Variants in KIAA1549 observed in about 807,000 individuals in gnomAD.
KIAA1549 encodes the protein UPF0606 protein KIAA1549.
In KIAA1549, 70 loss-of-function variants were observed where a neutral mutation model predicts 156.4. The observed-to-expected ratio is 0.45, with a 90% CI of 0.37 to 0.55. The LOEUF is 0.55. KIAA1549 is among the 20% of genes least tolerant of loss of function. The pLI is 0.00. For missense variants in KIAA1549, 2,428 were observed against 2,540.9 expected (o/e 0.96, Z 0.96); for synonymous variants, 1,103 against 1,066.4 (o/e 1.03, Z -0.67).
intron 1 of KIAA1549, among the ~76,000 whole-genome samples, chr7:138,970,194 T>C (rs986202559): frequency 1.3e-5 from 2 of 152,244 alleles, no homozygotes; most frequent in African/African-American, 2.4e-5. Flanking sequence ...TTCATTCATC[T>C]GTCCACAGAC....
intron 10 of KIAA1549, among the ~76,000 whole-genome samples, chr7:138,885,976 A>C (rs1400507835): frequency 6.6e-6 from 1 of 152,110 alleles, no homozygotes; most frequent in Non-Finnish European, 1.5e-5. Context: ...ACTGAATTCA[A>C]GGACACCCAG....
intron 7 of KIAA1549, among the ~76,000 whole-genome samples, chr7:138,904,740 A>C (rs1462107334): frequency 6.6e-6 from 1 of 151,932 alleles, no homozygotes; most frequent in Non-Finnish European, 1.5e-5. Flanking sequence ...CCTTGCTTCT[A>C]AACCTCACCC....
intron 1 of KIAA1549, among the ~76,000 whole-genome samples, chr7:138,935,437 T>A (rs1306569415): frequency 1.3e-5 from 2 of 152,154 alleles, no homozygotes; most frequent in Admixed American, 1.3e-4. Context: ...GCACTTTGAG[T>A]AACCAAAACA....
intron 16 of KIAA1549, among the ~76,000 whole-genome samples, chr7:138,857,931 T>G (rs1810440042): frequency 6.6e-6 from 1 of 152,210 alleles, no homozygotes; most frequent in Non-Finnish European, 1.5e-5. Flanking sequence ...TGGATCTTGC[T>G]TTTTATCCAA....
intron 1 of KIAA1549, among the ~76,000 whole-genome samples, chr7:138,936,362 C>A (rs1479555404): frequency 6.6e-6 from 1 of 152,146 alleles, no homozygotes; most frequent in Non-Finnish European, 1.5e-5. Context: ...GCCTGTAAGC[C>A]AGGTCCTGCC....
At chr7:138,850,405 G>GT (rs1644355589) in intron 17 of KIAA1549, among the ~76,000 whole-genome samples, 1 of 152,146 alleles carries the variant, frequency 6.6e-6, no homozygotes, top group South Asian at 2.1e-4. Context: ...GTATGAGATG[G>GT]TATCTCATTG....
At position 138,837,961 on chromosome 7, in the gene KIAA1549, T is replaced by G; in HGVS notation, c.5798A>C (p.Glu1933Ala). 2 of 1,613,862 alleles carry G rather than the reference T, an allele frequency of 1.2e-6. No individual in the cohort carries two copies. The highest frequency in any genetic ancestry group is 1.7e-6 in the Non-Finnish European group (2 of 1,179,876). ...SSASLIKAIR[E>A]ELLRLSQKQS... is the part of the protein sequence containing the mutation. ...TTTCTGGGAGAGCCGGAGGAGCTCCTCGCGGATTGCTTTGATGAGAGAGGC... is the reference window on the plus strand; with the variant it reads ...TTTCTGGGAGAGCCGGAGGAGCTCCGCGCGGATTGCTTTGATGAGAGAGGC... The change falls in exon 20 of 20, where the codon GAG becomes GCG. Residue 1933 changes from glutamate to alanine, a missense_variant. By Grantham distance (107) the Glu-to-Ala change is moderately radical. Coordinates refer to ENST00000422774, the MANE Select transcript of KIAA1549 (RefSeq NM_001164665.2).
At chr7:138,969,727 G>C (rs969550897) in intron 1 of KIAA1549, among the ~76,000 whole-genome samples, 1 of 152,038 alleles carries the variant, frequency 6.6e-6, no homozygotes, top group Non-Finnish European at 1.5e-5. Context: ...CAAGTAGCTG[G>C]GATTACAGGC....
chr7:138,945,194 T>C (rs1190929710), intron 1 of KIAA1549, among the ~76,000 whole-genome samples: 1 of 152,162 alleles, frequency 6.6e-6, no homozygotes, highest in Non-Finnish European at 1.5e-5. Flanking sequence ...GGGATCTTTT[T>C]AAAAAATGGA....
At chr7:138,861,478 G>T (rs781584693) in intron 15 of KIAA1549, 22 bp from the exon 16 acceptor site, 2 of 1,584,906 alleles carry the variant, frequency 1.3e-6, no homozygotes, top group Non-Finnish European at 1.7e-6. Flanking sequence ...AATGGCAAAG[G>T]AAGAATCACA....
chr7:138,916,824 G>C lies in KIAA1549; in HGVS notation c.2802C>G (p.Asp934Glu). The part of the protein sequence containing the change: ...VTAFTLEATV[D>E]TPTLATAKPP... Reference sequence around the variant, plus strand: ...GCTTGGCAGTAGCCAGTGTTGGTGTGTCGACTGTTGCTTCGAGAGTGAAGG... The same window carrying C: ...GCTTGGCAGTAGCCAGTGTTGGTGTCTCGACTGTTGCTTCGAGAGTGAAGG... The change falls in exon 2 of 20, where the codon GAC (aspartate) becomes GAG (glutamate). Residue 934 changes from aspartate to glutamate, a missense_variant. By Grantham distance (45) the Asp-to-Glu change is conservative. Transcript: ENST00000422774. 2.5e-6 allele frequency: 4 copies of C among 1,613,992 alleles called. No individual in the cohort carries two copies. Among genetic ancestry groups the C allele is most frequent in the Non-Finnish European group, 3.4e-6 (4 of 1,179,878 alleles).
At chr7:138,854,809 T>C (rs145251487) in intron 16 of KIAA1549, among the ~76,000 whole-genome samples, 51 of 152,320 alleles carry the variant, frequency 3.3e-4, no homozygotes, top group Middle Eastern at 3.4e-3. Flanking sequence ...CTTGAATTTA[T>C]AAGGCATTAT....
At chr7:138,939,869 G>A (rs73729971) in intron 1 of KIAA1549, among the ~76,000 whole-genome samples, 14,199 of 152,062 alleles carry the variant, frequency 0.093, 923 homozygotes, top group African/African-American at 0.18. Flanking sequence ...TATTCCAGCC[G>A]GGCGTGGTGG....
chr7:138,900,636 G>C (rs1444080804), intron 8 of KIAA1549, among the ~76,000 whole-genome samples: 1 of 152,124 alleles, frequency 6.6e-6, no homozygotes, highest in Non-Finnish European at 1.5e-5. Flanking sequence ...CCTAATGGGA[G>C]GTATCTGAGT....
chr7:138,842,552 T>C (rs1809953708), intron 18 of KIAA1549, among the ~76,000 whole-genome samples: 1 of 152,108 alleles, frequency 6.6e-6, no homozygotes, highest in South Asian at 2.1e-4. Flanking sequence ...CCGGACGCAG[T>C]GGCGGGCACC....
chr7:138,912,302 C>T (rs1407940969), intron 3 of KIAA1549, 70 bp downstream of exon 3: 22 of 1,123,970 alleles, frequency 2.0e-5, no homozygotes, highest in Non-Finnish European at 3.0e-5. Context: ...AATCACCTGC[C>T]TCTAACCTGG....
chr7:138,920,668 C>A (rs1812541474), intron 1 of KIAA1549, among the ~76,000 whole-genome samples: 2 of 152,170 alleles, frequency 1.3e-5, no homozygotes, highest in South Asian at 2.1e-4. Context: ...GATGGCCCAG[C>A]CACTGATGAA....
At chr7:138,849,179 G>C (rs969000035) in intron 17 of KIAA1549, among the ~76,000 whole-genome samples, 1 of 151,994 alleles carries the variant, frequency 6.6e-6, no homozygotes, top group Non-Finnish European at 1.5e-5. Context: ...AATTTTATTA[G>C]TTTTCTAAGA....
rs1028240442 is a variant in KIAA1549, at chr7:138,832,211, T to C, written c.*5695A>G. Reference sequence around the variant, plus strand: ...TATTCCTTTTTTTTTTTTTTTTTTTTCCAGAGACAGGACCTCACCCTGCAG... The same window carrying C: ...TATTCCTTTTTTTTTTTTTTTTTTTCCCAGAGACAGGACCTCACCCTGCAG... On this transcript the variant is annotated 3_prime_UTR_variant, in exon 20 of 20. Transcript: ENST00000422774. 161 of 182,310 alleles carry C rather than the reference T, an allele frequency of 8.8e-4. No homozygotes were observed. The highest frequency in any genetic ancestry group is 4.1e-3 in the African/African-American group (152 of 36,952). The allele number at this position is 182,310 out of a possible 1,614,324, so 11.3% of individuals were successfully genotyped here.
Sources: gnomAD v4.1 joint callset for allele counts (sites outside exome capture counted in the v4.1 genomes callset) on GRCh38, gnomAD v4.1.1 for gene constraint, MANE v1.5 for transcripts, NCBI Gene and HGNC (gene_info 2026-07-23, HGNC 2026-07-21) for gene names.